WDPCP: variants seen among roughly 807,000 people sequenced by gnomAD.
The protein encoded by WDPCP is WD repeat-containing and planar cell polarity effector protein fritz homolog.
WDPCP carries 71 observed loss-of-function variants against 93.1 expected under a neutral mutation model. That is an observed-to-expected ratio of 0.76 (90% CI 0.63 to 0.93). The LOEUF (loss-of-function observed/expected upper bound fraction) is 0.93, where lower values mean the gene tolerates loss of function less well. WDPCP is among the 40% of genes least tolerant of loss of function. The probability of loss-of-function intolerance (pLI) is 0.00; values close to 1 mark genes in which losing one functional copy is unlikely to be tolerated. For synonymous variants in WDPCP, 315 were observed against 315.0 expected (o/e 1.00, Z 0.00); for missense variants, 844 against 887.4 (o/e 0.95, Z 0.62).
intron 1 of WDPCP, among the ~76,000 whole-genome samples, chr2:63,815,215 T>C (rs1444981568): frequency 1.3e-5 from 2 of 152,200 alleles, no homozygotes. Flanking sequence ...GACTGAGAAG[T>C]GTTTTAAATT....
Position 63,246,915 on chromosome 2 carries a change from T to C in WDPCP, c.1915+12392A>G, listed in dbSNP as rs901984392. On this transcript the variant is annotated intron_variant, in intron 14 of 17. Coordinates refer to ENST00000272321, the MANE Select transcript of WDPCP (RefSeq NM_015910.7). Reference sequence around the variant, plus strand: ...TGGTTCTGAATCAAGGTGATTATGATAATAGTGATGATGAAACTGTTAACA... The same window carrying C: ...TGGTTCTGAATCAAGGTGATTATGACAATAGTGATGATGAAACTGTTAACA... Among the ~76,000 whole-genome samples, 6 of 152,144 alleles carry C rather than the reference T, an allele frequency of 3.9e-5. 1 individual carries two copies. Among genetic ancestry groups the C allele is most frequent in the African/African-American group, 9.7e-5 (4 of 41,432 alleles).
At chr2:63,245,801 A>G (rs1039062634) in intron 14 of WDPCP, among the ~76,000 whole-genome samples, 1 of 152,170 alleles carries the variant, frequency 6.6e-6, no homozygotes, top group Non-Finnish European at 1.5e-5. Context: ...TAATAGTTCT[A>G]TATATTTATG....
intron 1 of WDPCP, among the ~76,000 whole-genome samples, chr2:63,565,792 C>T (rs1706996922): frequency 6.6e-6 from 1 of 152,100 alleles, no homozygotes; most frequent in Non-Finnish European, 1.5e-5. Flanking sequence ...ACCACAAACA[C>T]AATTTAAAAC....
At chr2:63,840,467 G>A in the WDPCP span, among the ~76,000 whole-genome samples, 1 of 152,252 alleles carries the variant, frequency 6.6e-6, no homozygotes, top group African/African-American at 2.4e-5. Flanking sequence ...GGTGGTTCCG[G>A]TGAGGGAGCC....
intron 3 of WDPCP, among the ~76,000 whole-genome samples, chr2:63,640,398 G>A (rs1282050329): frequency 1.3e-5 from 2 of 152,198 alleles, no homozygotes; most frequent in African/African-American, 4.8e-5. Context: ...GGTGGCAGTG[G>A]CAGGAGGATT....
intron 13 of WDPCP, among the ~76,000 whole-genome samples, chr2:63,307,288 A>G (rs1685817024): frequency 6.6e-6 from 1 of 152,250 alleles, no homozygotes; most frequent in African/African-American, 2.4e-5. Flanking sequence ...GGAAGAATCA[A>G]TATCATGAAA....
intron 15 of WDPCP, among the ~76,000 whole-genome samples, chr2:63,162,131 G>A (rs1026663868): frequency 6.6e-6 from 1 of 152,034 alleles, no homozygotes; most frequent in Non-Finnish European, 1.5e-5. Context: ...AGTGGGGAAT[G>A]GGTCTACTTT....
Position 63,121,800 on chromosome 2 carries a change from T to C in WDPCP, c.*206A>G. On this transcript the variant is annotated 3_prime_UTR_variant, in exon 18 of 18. Transcript: ENST00000272321. Reference sequence around the variant, plus strand: ...TTGAAAATAAGTAGGTTGAAGACTTTTACTTACGATCACTTTGCTGTTATG... The same window carrying C: ...TTGAAAATAAGTAGGTTGAAGACTTCTACTTACGATCACTTTGCTGTTATG... 9 of 1,295,752 alleles carry C rather than the reference T, an allele frequency of 6.9e-6. No homozygotes were observed. The highest frequency in any genetic ancestry group is 7.1e-6 in the Non-Finnish European group (7 of 992,568). 80.3% of individuals were successfully genotyped at this position (1,295,752 alleles called of 1,614,324 possible). A position where few individuals can be genotyped will look rare whatever the true frequency, so the allele number is the denominator to read the frequency against.
chr2:63,809,426 T>C (rs899248631), intron 2 of WDPCP, among the ~76,000 whole-genome samples: 1 of 152,122 alleles, frequency 6.6e-6, no homozygotes, highest in African/African-American at 2.4e-5. Context: ...AACAGCTCAT[T>C]GAGAACGGGC....
At chr2:63,719,135 G>A (rs575621541) in intron 2 of WDPCP, among the ~76,000 whole-genome samples, 1 of 152,294 alleles carries the variant, frequency 6.6e-6, no homozygotes, top group East Asian at 1.9e-4. Context: ...AGGAACAAGA[G>A]GGACTATGAG....
chr2:63,579,332 G>A (rs933301539), intron 1 of WDPCP, among the ~76,000 whole-genome samples: 7 of 152,156 alleles, frequency 4.6e-5, no homozygotes, highest in African/African-American at 1.7e-4. Context: ...TCAACTGGTT[G>A]GGCACAGTGG....
chr2:63,694,664 C>T (rs1311413958), intron 2 of WDPCP, among the ~76,000 whole-genome samples: 2 of 151,840 alleles, frequency 1.3e-5, no homozygotes, highest in Non-Finnish European at 2.9e-5. Flanking sequence ...ATAATTTGTA[C>T]CAGAATTTCT....
intron 2 of WDPCP, among the ~76,000 whole-genome samples, chr2:63,779,293 T>C (rs2103968698): frequency 6.6e-6 from 1 of 152,296 alleles, no homozygotes; most frequent in South Asian, 2.1e-4. Flanking sequence ...ACGTAACCTA[T>C]CGTATAAATG....
chr2:63,313,888 T>G (rs755383351), intron 12 of WDPCP, among the ~76,000 whole-genome samples: 21 of 4,952 alleles, frequency 4.2e-3, no homozygotes, highest in East Asian at 0.038. Context: ...ATATATATAT[T>G]TTTTTTTTTT....
intron 2 of WDPCP, among the ~76,000 whole-genome samples, chr2:63,706,530 T>C (rs985117584): frequency 6.6e-6 from 1 of 151,928 alleles, no homozygotes; most frequent in Non-Finnish European, 1.5e-5. Context: ...GTCTGTAAAG[T>C]ATTTTATTTC....
chr2:63,473,888 C>A (rs967954453), intron 6 of WDPCP, among the ~76,000 whole-genome samples: 1 of 152,038 alleles, frequency 6.6e-6, no homozygotes, highest in African/African-American at 2.4e-5. Flanking sequence ...TGCTGAAAAA[C>A]AGTATGATAT....
At chr2:63,644,440 C>T (rs1260364511) in intron 3 of WDPCP, among the ~76,000 whole-genome samples, 1 of 152,068 alleles carries the variant, frequency 6.6e-6, no homozygotes, top group African/African-American at 2.4e-5. Context: ...GACAGGGTTT[C>T]ACCATGTTGG....
At chr2:63,531,122 C>T (rs1703803870) in intron 1 of WDPCP, among the ~76,000 whole-genome samples, 1 of 152,220 alleles carries the variant, frequency 6.6e-6, no homozygotes, top group African/African-American at 2.4e-5. Context: ...AACTGTGAGG[C>T]AGCAACGAGG....
intron 1 of WDPCP, among the ~76,000 whole-genome samples, chr2:63,556,822 A>G (rs1402688055): frequency 6.6e-6 from 1 of 152,234 alleles, no homozygotes; most frequent in African/African-American, 2.4e-5. Flanking sequence ...CAGACCTCTC[A>G]GCAGAAACCC....
Sources: allele counts gnomAD v4.1 joint callset (sites outside exome capture counted in the v4.1 genomes callset), GRCh38; gene constraint gnomAD v4.1.1; transcripts MANE v1.5; gene names NCBI Gene and HGNC (gene_info 2026-07-23, HGNC 2026-07-21).